FMNL2: variants seen among roughly 807,000 people sequenced by gnomAD.
The protein encoded by FMNL2 is formin-like protein 2.
FMNL2 carries 51 observed loss-of-function variants against 130.2 expected under a neutral mutation model. The ratio of observed to expected loss-of-function variants is 0.39; its 90% CI spans 0.31 to 0.49. The LOEUF (loss-of-function observed/expected upper bound fraction) is 0.49. Ranked by LOEUF, FMNL2 falls within the 20% of genes least tolerant of loss-of-function variation. The probability of loss-of-function intolerance (pLI) is 0.85; values close to 1 mark genes in which losing one functional copy is unlikely to be tolerated. For synonymous variants in FMNL2, 465 were observed against 467.1 expected (o/e 1.00, Z 0.06); for missense variants, 977 against 1,316.2 (o/e 0.74, Z 3.99).
intron 1 of FMNL2, among the ~76,000 whole-genome samples, chr2:152,460,798 G>A (rs1229243144): frequency 6.6e-6 from 1 of 152,168 alleles, no homozygotes; most frequent in Non-Finnish European, 1.5e-5. Context: ...CTGATGATCT[G>A]TTACCGTCTC....
At chr2:152,357,600 T>C (rs2105801815) in intron 1 of FMNL2, among the ~76,000 whole-genome samples, 1 of 135,496 alleles carries the variant, frequency 7.4e-6, no homozygotes, top group Non-Finnish European at 1.6e-5. Flanking sequence ...CGATAAATAT[T>C]AAATCAGTTT....
chr2:152,617,301 G>C, intron 13 of FMNL2, 109 bp downstream of exon 13: 1 of 965,722 alleles, frequency 1.0e-6, no homozygotes, highest in East Asian at 2.5e-5. Context: ...CATTGATGCA[G>C]CATATTTATT....
intron 12 of FMNL2, among the ~76,000 whole-genome samples, chr2:152,615,347 A>C (rs1234357286): frequency 1.3e-5 from 2 of 152,174 alleles, no homozygotes; most frequent in Admixed American, 1.3e-4. Flanking sequence ...ATTTGGCCTG[A>C]GGCGAAGAGG....
chr2:152,417,902 C>T (rs565105299), intron 1 of FMNL2, among the ~76,000 whole-genome samples: 235 of 152,168 alleles, frequency 1.5e-3, no homozygotes, highest in African/African-American at 5.4e-3. Flanking sequence ...GTCATGATCT[C>T]GGCTCACTGA....
intron 1 of FMNL2, among the ~76,000 whole-genome samples, chr2:152,432,942 G>A (rs1049462016): frequency 6.6e-6 from 1 of 152,198 alleles, no homozygotes; most frequent in Non-Finnish European, 1.5e-5. Context: ...CAGGTTGCAT[G>A]GCAGGCATTG....
At chr2:152,369,365 TCA>T (rs1441146564) in intron 1 of FMNL2, among the ~76,000 whole-genome samples, 1 of 152,254 alleles carries the variant, frequency 6.6e-6, no homozygotes, top group Non-Finnish European at 1.5e-5. Flanking sequence ...TCCAGATTAG[TCA>T]CATGGCTGAT....
intron 1 of FMNL2, among the ~76,000 whole-genome samples, chr2:152,457,133 A>C (rs1689002589): frequency 6.6e-6 from 1 of 152,120 alleles, no homozygotes; most frequent in Admixed American, 6.5e-5. Flanking sequence ...GACAAGAAGT[A>C]AAGAAAGTTA....
Position 152,619,656 on chromosome 2 carries a change from C to A in FMNL2, c.1775C>A (p.Pro592His). ...GCTCCTCCCTTAGCACCTCCCCTTC[C>A]CTCTGCACCTCCGCTGCCTGGAACA... ...VPAPPLAPPL[P>H]SAPPLPGTSS... is the part of the protein sequence containing the mutation. Residue 592 changes from proline to histidine, a missense_variant, in exon 15 of 26, where the codon CCC becomes CAC. Pro to His is a moderately conservative substitution (Grantham distance 77, BLOSUM62 -2). Around this residue, in one of 4 missense-constraint regions of FMNL2, gnomAD observed 689 missense variants for 995.9 expected, o/e 0.69. Coordinates refer to ENST00000288670, the MANE Select transcript of FMNL2 (RefSeq NM_052905.4). The A allele has an allele frequency of 6.2e-7, 1 of 1,612,524 alleles. No individual in the cohort carries two copies. Among genetic ancestry groups the A allele is most frequent in the Non-Finnish European group, 8.5e-7 (1 of 1,179,620 alleles).
intron 1 of FMNL2, among the ~76,000 whole-genome samples, chr2:152,430,861 A>T (rs563527722): frequency 6.6e-6 from 1 of 151,972 alleles, no homozygotes; most frequent in African/African-American, 2.4e-5. Flanking sequence ...TGACAGAGTG[A>T]GACTTGGTCT....
intron 25 of FMNL2, chr2:152,645,635 G>A (rs1003499570): frequency 3.6e-6 from 2 of 563,248 alleles, no homozygotes; most frequent in Non-Finnish European, 5.6e-6. Context: ...GGGAGTTTTT[G>A]TACCTCACAT....
chr2:152,637,819 CTG>C, intron 23 of FMNL2, 145 bp downstream of exon 23: 1 of 671,812 alleles, frequency 1.5e-6, no homozygotes, highest in Non-Finnish European at 2.6e-6. Flanking sequence ...GTCCCTAGCT[CTG>C]TGGAGGCTGA....
intron 6 of FMNL2, among the ~76,000 whole-genome samples, chr2:152,573,364 G>A (rs1190947732): frequency 6.6e-6 from 1 of 152,222 alleles, no homozygotes; most frequent in Non-Finnish European, 1.5e-5. Flanking sequence ...ACAGACAGCT[G>A]TAGGCGGTAG....
chr2:152,399,779 T>C (rs1239788773), intron 1 of FMNL2, among the ~76,000 whole-genome samples: 4 of 152,162 alleles, frequency 2.6e-5, no homozygotes, highest in Non-Finnish European at 5.9e-5. Context: ...GAGGAAGCAG[T>C]TAAAGATGAC....
intron 1 of FMNL2, 42 bp downstream of exon 1, chr2:152,335,762 C>T (rs764403576): frequency 1.4e-6 from 2 of 1,414,006 alleles, no homozygotes; most frequent in Non-Finnish European, 1.9e-6. Flanking sequence ...CCCGGGGCCC[C>T]GGGCCGGGCG....
At chr2:152,557,588 AAAAC>A (rs1267523125) in intron 4 of FMNL2, among the ~76,000 whole-genome samples, 4 of 152,246 alleles carry the variant, frequency 2.6e-5, no homozygotes, top group Admixed American at 1.3e-4. Flanking sequence ...GCCAAAAATT[AAAAC>A]AAACAAACAA....
chr2:152,645,024 A>AT (rs1429631161), intron 25 of FMNL2, among the ~76,000 whole-genome samples: 1 of 152,230 alleles, frequency 6.6e-6, no homozygotes, highest in Admixed American at 6.5e-5. Flanking sequence ...ATTTTGTGGC[A>AT]TAACTATTCT....
intron 1 of FMNL2, among the ~76,000 whole-genome samples, chr2:152,373,781 A>G (rs1046647895): frequency 5.3e-5 from 8 of 151,586 alleles, no homozygotes; most frequent in African/African-American, 1.9e-4. Context: ...GAACCCATGG[A>G]TACAGAAGGC....
At chr2:152,400,666 T>C (rs1175166189) in intron 1 of FMNL2, among the ~76,000 whole-genome samples, 1 of 152,188 alleles carries the variant, frequency 6.6e-6, no homozygotes, top group East Asian at 1.9e-4. Context: ...ACCTTAACAC[T>C]ATTTATGCAT....
rs565002443 is a variant in FMNL2, at chr2:152,621,947, A to G, written c.1837+2229A>G. Among the ~76,000 whole-genome samples the G allele has an allele frequency of 5.9e-5, 9 of 152,318 alleles. No homozygotes were observed. The South Asian group carries it at 1.9e-3, about 32-fold the overall frequency. Reference sequence around the variant, plus strand: ...GCAACACGAGGGTCTTATCTCTTCAATGGGCAGGTGTGTTCTTGGAGACCA... The same window carrying G: ...GCAACACGAGGGTCTTATCTCTTCAGTGGGCAGGTGTGTTCTTGGAGACCA... On this transcript the variant is annotated intron_variant, in intron 15 of 25. Coordinates refer to ENST00000288670, the MANE Select transcript of FMNL2 (RefSeq NM_052905.4).
Sources: gnomAD v4.1 joint callset for allele counts (sites outside exome capture counted in the v4.1 genomes callset) on GRCh38, gnomAD v4.1.1 for gene constraint, gnomAD v4.1.1 regional missense constraint, MANE v1.5 for transcripts, NCBI Gene and HGNC (gene_info 2026-07-23, HGNC 2026-07-21) for gene names.